Variants in MYH7B observed in about 807,000 individuals in gnomAD.
MYH7B encodes the protein myosin heavy chain 7B.
MYH7B carries 205 observed loss-of-function variants against 234.5 expected under a neutral mutation model. The observed-to-expected ratio is 0.87, with a 90% CI of 0.78 to 0.98. The LOEUF (loss-of-function observed/expected upper bound fraction) is 0.98, where lower values mean the gene tolerates loss of function less well. Ranked by LOEUF, MYH7B falls within the 50% of genes least tolerant of loss-of-function variation. The pLI is 0.00. For synonymous variants in MYH7B, 1,193 were observed against 1,105.0 expected (o/e 1.08, Z -1.58); for missense variants, 2,652 against 2,633.4 (o/e 1.01, Z -0.15).
At chr20:34,992,557 T>C (rs1339723496) in intron 24 of MYH7B, among the ~76,000 whole-genome samples, 2 of 140,958 alleles carry the variant, frequency 1.4e-5, no homozygotes, top group African/African-American at 5.1e-5. Flanking sequence ...CCCCCCAAGG[T>C]TGTGTTTTTT....
intron 2 of MYH7B, among the ~76,000 whole-genome samples, chr20:34,969,447 C>T (rs1460261276): frequency 6.6e-6 from 1 of 152,050 alleles, no homozygotes; most frequent in Non-Finnish European, 1.5e-5. Flanking sequence ...CTTCCAAAGG[C>T]AGTCCATCCA....
At position 34,988,266 on chromosome 20, in the gene MYH7B, G is replaced by C. The variant is rs771814945; in HGVS notation, c.1587+4G>C. 6.2e-7 allele frequency: 1 copy of C among 1,609,214 alleles called. No individual in the cohort carries two copies. Among genetic ancestry groups the C allele is most frequent in the Admixed American group, 1.7e-5 (1 of 59,830 alleles). On this transcript the variant is annotated splice_donor_region_variant and intron_variant, in intron 19 of 44. Coordinates refer to ENST00000262873, the Ensembl canonical transcript of MYH7B. The stretch of plus-strand genomic sequence containing the variant: ...TTGCATCGACCTCATCGAGAAGGTG[G>C]GTGCCGCGGCAAGGTCACTTTGAGG...
chr20:34,988,024 GC>G, intron 18 of MYH7B, 67 bp from the exon 19 acceptor site: 1 of 1,575,892 alleles, frequency 6.3e-7, no homozygotes. Context: ...GTGAACTCAT[GC>G]CCCTCCCCGG....
At chr20:34,993,032 C>A in intron 24 of MYH7B, 70 bp from the exon 25 acceptor site, 1 of 1,555,704 alleles carries the variant, frequency 6.4e-7, no homozygotes, top group Non-Finnish European at 8.7e-7. Flanking sequence ...CAGTCCCTGA[C>A]TTCCCCATTC....
At chr20:34,982,940 A>G (rs531535678) in intron 10 of MYH7B, among the ~76,000 whole-genome samples, 36 of 152,292 alleles carry the variant, frequency 2.4e-4, no homozygotes, top group African/African-American at 8.7e-4. Context: ...TTAGACACAG[A>G]GGTTGGCTGG....
intron 3 of MYH7B, among the ~76,000 whole-genome samples, chr20:34,977,051 A>T (rs59358673): frequency 5.3e-5 from 2 of 38,076 alleles, no homozygotes; most frequent in Non-Finnish European, 1.6e-4. Context: ...CTCTCCCCCT[A>T]CCCCTCCCCC....
rs2147171681 is a variant in MYH7B at position 34,979,491 on chromosome 20, C to T, written c.193C>T (p.Gln65Ter). 1 of 1,611,970 alleles carries T rather than the reference C, an allele frequency of 6.2e-7. No homozygotes were observed. Among genetic ancestry groups the T allele is most frequent in the African/African-American group, 1.3e-5 (1 of 75,004 alleles). ...CAGAGTCACCGTGGAGACCAAAGAC[C>T]AGAAGGTTCCGTTCCCCCTTTCCTG... The change falls in exon 6 of 45, where the codon CAG becomes TAG. Residue 65 changes from glutamine to a stop codon, truncating the protein, a stop_gained. Transcript: ENST00000262873. LOFTEE classifies it high-confidence loss of function.
At chr20:34,961,031 G>A (rs2081692469) in intron 2 of MYH7B, among the ~76,000 whole-genome samples, 2 of 152,118 alleles carry the variant, frequency 1.3e-5, no homozygotes, top group Admixed American at 6.6e-5. Flanking sequence ...AGGTGTGTGG[G>A]CTGAAAAAGG....
At chr20:34,985,045 G>A in intron 12 of MYH7B, 21 bp from the exon 13 acceptor site, 1 of 1,614,032 alleles carries the variant, frequency 6.2e-7, no homozygotes, top group South Asian at 1.1e-5. Flanking sequence ...CCTTGGCTGA[G>A]GGCTGCCCCT....
At chr20:34,996,702 G>A in exon 30 of MYH7B, 1 of 1,613,622 alleles carries the variant, frequency 6.2e-7, no homozygotes, top group Non-Finnish European at 8.5e-7. Context: ...AGCTGACGCA[G>A]GAGTCGGTGG....
intron 10 of MYH7B, among the ~76,000 whole-genome samples, chr20:34,983,079 A>G (rs2081962872): frequency 6.6e-6 from 1 of 152,156 alleles, no homozygotes; most frequent in Non-Finnish European, 1.5e-5. Context: ...TTTTTAAGGC[A>G]TAACATTTCA....
At position 34,993,587 on chromosome 20, in the gene MYH7B, G is replaced by T. The variant is rs1219205041; in HGVS notation, c.2444+117G>T. 4 of 1,214,704 alleles carry T rather than the reference G, an allele frequency of 3.3e-6. No individual in the cohort carries two copies. The East Asian group carries it at 7.7e-5, about 23-fold the overall frequency. The allele number at this position is 1,214,704 out of a possible 1,614,324, so 75.2% of individuals were successfully genotyped here. A position where few individuals can be genotyped will look rare whatever the true frequency, so the allele number is the denominator to read the frequency against. ...GTAGTCAGATCAGCCCCTGTGGCTGGTTGGGGCAAGGTTCTGTTCTGTGTC... is the reference window on the plus strand; with the variant it reads ...GTAGTCAGATCAGCCCCTGTGGCTGTTTGGGGCAAGGTTCTGTTCTGTGTC... On this transcript the variant is annotated intron_variant, in intron 26 of 44. Coordinates refer to ENST00000262873, the Ensembl canonical transcript of MYH7B.
intron 21 of MYH7B, 27 bp from the exon 22 acceptor site, chr20:34,990,207 A>G: frequency 1.2e-6 from 2 of 1,614,110 alleles, no homozygotes; most frequent in Non-Finnish European, 1.7e-6. Flanking sequence ...CATTCCCTGG[A>G]GTGACCAGGC....
At chr20:34,963,075 G>T (rs934766436) in intron 2 of MYH7B, among the ~76,000 whole-genome samples, 3 of 152,228 alleles carry the variant, frequency 2.0e-5, no homozygotes, top group Non-Finnish European at 4.4e-5. Flanking sequence ...TCCAGCCTGG[G>T]TGACAGAGCG....
At chr20:34,962,571 T>C (rs1342602678) in intron 2 of MYH7B, among the ~76,000 whole-genome samples, 1 of 152,226 alleles carries the variant, frequency 6.6e-6, no homozygotes. Flanking sequence ...GTGTTTCATA[T>C]AAACTATATG....
At chr20:34,977,761 C>T (rs564342951) in intron 4 of MYH7B, 81 bp downstream of exon 4, 75 of 1,489,554 alleles carry the variant, frequency 5.0e-5, no homozygotes, top group Middle Eastern at 2.3e-4. Context: ...TGGGTGGCCG[C>T]GAGTCTTCTG....
At chr20:34,980,347 G>A in intron 7 of MYH7B, 1 of 447,792 alleles carries the variant, frequency 2.2e-6, no homozygotes, top group East Asian at 3.8e-5. Context: ...TCAGAAGTTC[G>A]AGACCAGCCT....
chr20:34,962,984 G>A (rs1421250425), intron 2 of MYH7B, among the ~76,000 whole-genome samples: 1 of 152,360 alleles, frequency 6.6e-6, no homozygotes, highest in East Asian at 1.9e-4. Flanking sequence ...TGTAGTCCCA[G>A]CTATTCAGGG....
chr20:34,977,959 A>C (rs1162277246), exon 5 of MYH7B: 2 of 1,612,936 alleles, frequency 1.2e-6, no homozygotes, highest in African/African-American at 2.7e-5. Flanking sequence ...GCCGCCTTGA[A>C]CCTCCAGGGT....
Sources: allele counts gnomAD v4.1 joint callset (sites outside exome capture counted in the v4.1 genomes callset), GRCh38; gene constraint gnomAD v4.1.1; transcripts MANE v1.5; gene names NCBI Gene and HGNC (gene_info 2026-07-23, HGNC 2026-07-21).